Variants in RTL4 observed in about 807,000 individuals in gnomAD.
The protein encoded by RTL4 is retrotransposon Gag-like protein 4.
A neutral mutation model predicts 5.3 loss-of-function variants in RTL4; 4 were observed. That is an observed-to-expected ratio of 0.75 (90% confidence interval 0.37 to 1.72). The LOEUF (loss-of-function observed/expected upper bound fraction) is 1.72, where lower values mean the gene tolerates loss of function less well. Among genes scored for constraint, RTL4 ranks in the 40% most tolerant of loss-of-function variants. RTL4 has a pLI of 0.04. For synonymous variants in RTL4, 98 were observed against 87.3 expected (o/e 1.12, Z -0.68); for missense variants, 260 against 227.1 (o/e 1.14, Z -0.93).
At chrX:112,280,048 G>C in the RTL4 span, among the ~76,000 whole-genome samples, 1 of 111,066 alleles carries the variant, frequency 9.0e-6, no homozygotes, top group Non-Finnish European at 1.9e-5. Flanking sequence ...TTGGTGGGTA[G>C]GGAAAAAAAA....
chrX:112,226,895 G>T, the RTL4 span, among the ~76,000 whole-genome samples: 1 of 105,178 alleles, frequency 9.5e-6, no homozygotes, highest in Non-Finnish European at 1.9e-5. Flanking sequence ...CTATACTCCA[G>T]CCTGGGTGAC....
At chrX:112,326,839 T>TCCCTGAC in the RTL4 span, among the ~76,000 whole-genome samples, 1 of 111,246 alleles carries the variant, frequency 9.0e-6, no homozygotes, top group Non-Finnish European at 1.9e-5. Context: ...CTCAAGTGGG[T>TCCCTGAC]CCCTGACCCC....
At chrX:112,427,137 C>T in the RTL4 span, among the ~76,000 whole-genome samples, 3 of 110,995 alleles carry the variant, frequency 2.7e-5, no homozygotes, top group African/African-American at 9.8e-5. Context: ...TCATTACAAG[C>T]AAAGAAAACT....
the RTL4 span, among the ~76,000 whole-genome samples, chrX:112,236,419 CTATA>C: frequency 1.9e-5 from 1 of 52,984 alleles, no homozygotes; most frequent in African/African-American, 7.7e-5. Flanking sequence ...AGATCTATAT[CTATA>C]TATAGATATA....
upstream of RTL4, among the ~76,000 whole-genome samples, chrX:112,450,153 CT>C (rs1926710498): frequency 8.9e-6 from 1 of 112,059 alleles, no homozygotes. Flanking sequence ...TCAAAAAGCT[CT>C]CTTATAAGCA....
chrX:112,322,502 C>T, the RTL4 span, among the ~76,000 whole-genome samples: 1 of 111,036 alleles, frequency 9.0e-6, no homozygotes, highest in Non-Finnish European at 1.9e-5. Flanking sequence ...TTCACGTACA[C>T]TGTCTCATTT....
the RTL4 span, among the ~76,000 whole-genome samples, chrX:112,411,472 A>G: frequency 9.0e-6 from 1 of 111,288 alleles, no homozygotes; most frequent in African/African-American, 3.3e-5. Context: ...CTAGCAAATG[A>G]AATTCCATAA....
chrX:112,120,184 T>G, the RTL4 span, among the ~76,000 whole-genome samples: 1 of 112,630 alleles, frequency 8.9e-6, no homozygotes, highest in Non-Finnish European at 1.9e-5. Context: ...GGATACTTTA[T>G]GTAGGCAACA....
At chrX:112,084,571 A>T in the RTL4 span, among the ~76,000 whole-genome samples, 2 of 110,960 alleles carry the variant, frequency 1.8e-5, no homozygotes, top group Non-Finnish European at 3.8e-5. Context: ...GAACCAGCAA[A>T]CTAATATACA....
At chrX:112,140,661 G>C in the RTL4 span, among the ~76,000 whole-genome samples, 1 of 111,060 alleles carries the variant, frequency 9.0e-6, no homozygotes, top group Middle Eastern at 4.7e-3. Flanking sequence ...TGAGGGCTCT[G>C]TCCTCATGAA....
At chrX:112,176,815 C>G in the RTL4 span, among the ~76,000 whole-genome samples, 1 of 110,786 alleles carries the variant, frequency 9.0e-6, no homozygotes, top group Non-Finnish European at 1.9e-5. Context: ...TCCAACTTCT[C>G]TTCATCCCCC....
At chrX:112,133,519 A>G in the RTL4 span, among the ~76,000 whole-genome samples, 1 of 111,492 alleles carries the variant, frequency 9.0e-6, no homozygotes, top group Non-Finnish European at 1.9e-5. Context: ...CTCTCATACC[A>G]CTGACACACC....
the RTL4 span, among the ~76,000 whole-genome samples, chrX:112,305,948 T>C: frequency 2.7e-5 from 3 of 111,700 alleles, no homozygotes; most frequent in African/African-American, 9.8e-5. Context: ...GAGATTTTAC[T>C]GTATCACCTG....
chrX:112,189,025 T>G, the RTL4 span, among the ~76,000 whole-genome samples: 1 of 111,369 alleles, frequency 9.0e-6, no homozygotes, highest in Admixed American at 9.6e-5. Flanking sequence ...TTTATTTTTA[T>G]AGCTAGTGTG....
At chrX:112,186,305 G>A in the RTL4 span, among the ~76,000 whole-genome samples, 2 of 112,187 alleles carry the variant, frequency 1.8e-5, no homozygotes, top group African/African-American at 6.5e-5. Context: ...ATTCTAACCA[G>A]TTAGACACAA....
chrX:112,348,606 A>G, the RTL4 span, among the ~76,000 whole-genome samples: 1 of 110,551 alleles, frequency 9.0e-6, no homozygotes, highest in African/African-American at 3.3e-5. Flanking sequence ...GTATTTTTTG[A>G]CTTTTCAGAT....
the RTL4 span, among the ~76,000 whole-genome samples, chrX:112,327,816 A>C: frequency 2.7e-5 from 3 of 112,017 alleles, no homozygotes; most frequent in Non-Finnish European, 5.6e-5. Flanking sequence ...TCTTGGCAGA[A>C]ACTCTACAAG....
chrX:112,276,833 T>TA, the RTL4 span, among the ~76,000 whole-genome samples: 1,057 of 111,965 alleles, frequency 9.4e-3, 11 homozygotes, highest in African/African-American at 0.032. Context: ...CAGATAATAG[T>TA]AAAAAAAATT....
At chrX:112,299,674 A>C in the RTL4 span, among the ~76,000 whole-genome samples, 1 of 111,445 alleles carries the variant, frequency 9.0e-6, no homozygotes, top group African/African-American at 3.3e-5. Context: ...CTGTGAAGCC[A>C]ACCTTCAGCA....
Sources: allele counts gnomAD v4.1 joint callset (sites outside exome capture counted in the v4.1 genomes callset), GRCh38; gene constraint gnomAD v4.1.1; transcripts MANE v1.5; gene names NCBI Gene and HGNC (gene_info 2026-07-23, HGNC 2026-07-21).